The following SCYL2 variants were observed in gnomAD, a reference collection of about 807,000 sequenced individuals.
SCYL2 encodes the protein SCY1 like pseudokinase 2.
Under a neutral mutation model 100.4 loss-of-function variants are expected in SCYL2, and 36 were observed. The observed-to-expected ratio is 0.36, with a 90% confidence interval of 0.27 to 0.47. SCYL2 has a LOEUF of 0.47. Among genes scored for constraint, SCYL2 ranks in the 20% least tolerant of loss-of-function variants. SCYL2 has a pLI of 1.00. For missense variants in SCYL2, 902 were observed against 1,083.9 expected (o/e 0.83, Z 2.36); for synonymous variants, 330 against 359.2 (o/e 0.92, Z 0.92).
Position 100,340,621 on chromosome 12 carries a change from T to C in SCYL2, c.*1449T>C, listed in dbSNP as rs1952341061. ...GAAAATATATACACAATATATGTAA[T>C]ACACAGCACTTGATTACAAAATGTA... On this transcript the variant is annotated 3_prime_UTR_variant, in exon 18 of 18. Transcript: ENST00000360820. 1 of 152,086 alleles carries C rather than the reference T, an allele frequency of 6.6e-6. No homozygotes were observed. The highest frequency in any genetic ancestry group is 2.1e-4 in the South Asian group (1 of 4,834). 9.4% of individuals were successfully genotyped at this position (152,086 alleles called of 1,614,324 possible).
At position 100,298,120 on chromosome 12, in the gene SCYL2, C is replaced by T. The variant is rs1038042030; in HGVS notation, c.425C>T (p.Pro142Leu). Residue 142 changes from proline to leucine, a missense_variant, in exon 4 of 18, where the codon CCA becomes CTA. Transcript: ENST00000360820. ...NWENLPSPIS[P>L]DIKDYKLYDV... ...GAAAATCTACCTTCCCCTATATCTC[C>T]AGACATTAAGGATTATAAACTTTAT... 6.2e-7 allele frequency: 1 copy of T among 1,605,324 alleles called. No homozygotes were observed. The highest frequency in any genetic ancestry group is 1.3e-5 in the African/African-American group (1 of 74,574).
intron 4 of SCYL2, among the ~76,000 whole-genome samples, chr12:100,303,469 GT>G (rs2096330236): frequency 6.6e-6 from 1 of 152,140 alleles, no homozygotes; most frequent in South Asian, 2.1e-4. Context: ...GATGTTTTCT[GT>G]TGATTCTTTT....
At chr12:100,336,142 C>T (rs1337606481) in intron 16 of SCYL2, among the ~76,000 whole-genome samples, 1 of 152,118 alleles carries the variant, frequency 6.6e-6, no homozygotes, top group Non-Finnish European at 1.5e-5. Flanking sequence ...TTTATAGACT[C>T]CTTGACTCCT....
Position 100,341,200 on chromosome 12 carries a change from A to G in SCYL2, c.*2028A>G, listed in dbSNP as rs1239300154. 1.3e-5 allele frequency: 2 copies of G among 152,070 alleles called. No individual in the cohort carries two copies. The highest frequency in any genetic ancestry group is 4.8e-5 in the African/African-American group (2 of 41,418). 9.4% of individuals were successfully genotyped at this position (152,070 alleles called of 1,614,324 possible). On this transcript the variant is annotated 3_prime_UTR_variant, in exon 18 of 18. Coordinates refer to ENST00000360820, the MANE Select transcript of SCYL2 (RefSeq NM_017988.6). ...TTTCTACTTCAGGTATTTTATTTCAACCATTTCCATCAATTGAACTGTTAC... is the reference window on the plus strand; with the variant it reads ...TTTCTACTTCAGGTATTTTATTTCAGCCATTTCCATCAATTGAACTGTTAC...
At chr12:100,303,151 T>C (rs2096329827) in intron 4 of SCYL2, among the ~76,000 whole-genome samples, 1 of 152,116 alleles carries the variant, frequency 6.6e-6, no homozygotes, top group African/African-American at 2.4e-5. Flanking sequence ...TAGCAATTCC[T>C]CTTTTTCAAG....
In SCYL2 at chr12:100,317,109, A is replaced by G. The variant is rs1328920764; in HGVS notation, c.1273-694A>G. On this transcript the variant is annotated intron_variant, in intron 9 of 17. Coordinates refer to ENST00000360820, the MANE Select transcript of SCYL2 (RefSeq NM_017988.6). ...AGTGAGGCCCTGTCTCAAAAAAAAA[A>G]AAAAAGAAAAAATTTCTTCCGAATA... Among the ~76,000 whole-genome samples the G allele has an allele frequency of 2.0e-5, 3 of 152,290 alleles. No homozygotes were observed. The East Asian group carries it at 5.8e-4, about 29-fold the overall frequency.
intron 13 of SCYL2, among the ~76,000 whole-genome samples, chr12:100,331,990 G>A (rs1185877706): frequency 6.6e-6 from 1 of 152,138 alleles, no homozygotes. Flanking sequence ...TTCAGTAGGA[G>A]GACTCAGGAC....
chr12:100,340,145 CA>C lies in SCYL2; in HGVS notation c.*974del, dbSNP rs1339451660. 1 of 152,502 alleles carries C rather than the reference CA, an allele frequency of 6.6e-6. No homozygotes were observed. The highest frequency in any genetic ancestry group is 1.9e-4 in the East Asian group (1 of 5,196). 9.4% of individuals were successfully genotyped at this position (152,502 alleles called of 1,614,324 possible). On this transcript the variant is annotated 3_prime_UTR_variant, in exon 18 of 18. Coordinates refer to ENST00000360820, the MANE Select transcript of SCYL2 (RefSeq NM_017988.6). ...AAACTTTACTTCTGTAAAAATTGAG[CA>C]GTTGTATCTTCTGACCACCAACAGA...
At chr12:100,273,682 C>T (rs2096289796) in intron 1 of SCYL2, among the ~76,000 whole-genome samples, 1 of 152,150 alleles carries the variant, frequency 6.6e-6, no homozygotes, top group Non-Finnish European at 1.5e-5. Flanking sequence ...CATAGTCTTC[C>T]TCCCTTACAT....
At chr12:100,281,032 T>G (rs898466547) in intron 1 of SCYL2, among the ~76,000 whole-genome samples, 42 of 134,466 alleles carry the variant, frequency 3.1e-4, no homozygotes, top group Non-Finnish European at 4.8e-4. Context: ...TTTTTTTTTT[T>G]TTTTTTTTTT....
chr12:100,331,379 A>G (rs577283078), intron 13 of SCYL2, among the ~76,000 whole-genome samples: 2 of 152,204 alleles, frequency 1.3e-5, no homozygotes, highest in Admixed American at 6.5e-5. Flanking sequence ...AGGGAAGGGT[A>G]GGTGGATCAC....
intron 5 of SCYL2, among the ~76,000 whole-genome samples, chr12:100,312,031 T>A (rs2096342802): frequency 6.6e-6 from 1 of 152,206 alleles, no homozygotes; most frequent in Admixed American, 6.5e-5. Context: ...CTTCCACACA[T>A]TTGTTTAATC....
At chr12:100,284,859 G>C (rs916095057) in intron 2 of SCYL2, among the ~76,000 whole-genome samples, 1 of 152,060 alleles carries the variant, frequency 6.6e-6, no homozygotes, top group Non-Finnish European at 1.5e-5. Flanking sequence ...ACATCTCCAG[G>C]TAATATTTAG....
At chr12:100,272,796 A>G (rs977064787) in intron 1 of SCYL2, among the ~76,000 whole-genome samples, 3 of 152,020 alleles carry the variant, frequency 2.0e-5, no homozygotes, top group Admixed American at 6.6e-5. Flanking sequence ...TCTCACTGCT[A>G]TTTTTGTAAT....
intron 8 of SCYL2, among the ~76,000 whole-genome samples, 189 bp from the exon 9 acceptor site, chr12:100,315,369 T>C (rs1432070201): frequency 6.6e-6 from 1 of 152,186 alleles, no homozygotes; most frequent in East Asian, 1.9e-4. Context: ...ACCTTTCCAG[T>C]TTATGCTATT....
intron 6 of SCYL2, among the ~76,000 whole-genome samples, chr12:100,313,168 T>C (rs897346368): frequency 2.6e-5 from 4 of 152,268 alleles, no homozygotes; most frequent in Admixed American, 1.3e-4. Context: ...GAGGACTAGT[T>C]AAAATTTGTT....
At chr12:100,294,401 T>C (rs1592940135) in intron 3 of SCYL2, among the ~76,000 whole-genome samples, 2 of 106,384 alleles carry the variant, frequency 1.9e-5, no homozygotes, top group Non-Finnish European at 3.9e-5. Flanking sequence ...CCCACCTCCC[T>C]CCCGGACGGG....
intron 10 of SCYL2, among the ~76,000 whole-genome samples, chr12:100,322,860 C>CAAAA (rs138492576): frequency 1.3e-5 from 1 of 78,898 alleles, no homozygotes; most frequent in Non-Finnish European, 2.7e-5. Context: ...AACTCCGTCT[C>CAAAA]AAAAAAAAAA....
chr12:100,299,113 T>C (rs899836383), intron 4 of SCYL2, among the ~76,000 whole-genome samples: 1 of 152,034 alleles, frequency 6.6e-6, no homozygotes, highest in Non-Finnish European at 1.5e-5. Context: ...CATGCACCTG[T>C]GGTCCCAGCT....
Sources: allele counts gnomAD v4.1 joint callset (sites outside exome capture counted in the v4.1 genomes callset), GRCh38; gene constraint gnomAD v4.1.1; transcripts MANE v1.5; gene names NCBI Gene and HGNC (gene_info 2026-07-23, HGNC 2026-07-21).